Variants in PRKCA observed in about 807,000 individuals in gnomAD.
The protein encoded by PRKCA is protein kinase C alpha.
A neutral mutation model predicts 87.0 loss-of-function variants in PRKCA; 27 were observed. That is an observed-to-expected ratio of 0.31 (90% CI 0.23 to 0.43). The LOEUF (loss-of-function observed/expected upper bound fraction) is 0.43, where lower values mean the gene tolerates loss of function less well. Among genes scored for constraint, PRKCA ranks in the 20% least tolerant of loss-of-function variants. The pLI is 1.00. For synonymous variants in PRKCA, 329 were observed against 311.1 expected (o/e 1.06, Z -0.61); for missense variants, 518 against 852.3 (o/e 0.61, Z 4.88).
At chr17:66,541,591 G>A (rs1397660272) in intron 3 of PRKCA, among the ~76,000 whole-genome samples, 2 of 152,216 alleles carry the variant, frequency 1.3e-5, no homozygotes, top group African/African-American at 2.4e-5. Flanking sequence ...CTGCAGGCAG[G>A]AATTGCACGT....
In PRKCA at chr17:66,804,988, T is replaced by C; in HGVS notation, c.*951T>C. The C allele has an allele frequency of 3.0e-6, 3 of 985,022 alleles. No homozygotes were observed. The highest frequency in any genetic ancestry group is 2.4e-6 in the Non-Finnish European group (2 of 829,380). The allele number at this position is 985,022 out of a possible 1,614,324, so 61.0% of individuals were successfully genotyped here. On this transcript the variant is annotated 3_prime_UTR_variant, in exon 17 of 17. Coordinates refer to ENST00000413366, the MANE Select transcript of PRKCA (RefSeq NM_002737.3). ...AAGCTGAAGTGTACGCCCTCTCCCC[T>C]TTTGTGCTTATTTATTTAATAGGCT...
intron 2 of PRKCA, among the ~76,000 whole-genome samples, chr17:66,460,832 G>A (rs1168972363): frequency 6.6e-6 from 1 of 152,154 alleles, no homozygotes; most frequent in Non-Finnish European, 1.5e-5. Flanking sequence ...GAGGTTGGTC[G>A]CAGACACAGG....
intron 2 of PRKCA, among the ~76,000 whole-genome samples, chr17:66,307,952 G>A (rs530284443): frequency 2.0e-5 from 3 of 152,168 alleles, no homozygotes; most frequent in South Asian, 2.1e-4. Context: ...AATTTTATAC[G>A]ACTTTGCAAC....
At chr17:66,520,261 C>T (rs532853233) in intron 3 of PRKCA, among the ~76,000 whole-genome samples, 7 of 151,856 alleles carry the variant, frequency 4.6e-5, no homozygotes, top group East Asian at 3.9e-4. Flanking sequence ...GCTGGGATTA[C>T]GGGTGCCTAC....
intron 13 of PRKCA, among the ~76,000 whole-genome samples, chr17:66,760,872 A>G (rs373744189): frequency 1.9e-3 from 290 of 152,300 alleles, no homozygotes; most frequent in Admixed American, 5.0e-3. Context: ...ACAATTGCAA[A>G]CACTGCTTTC....
chr17:66,579,677 A>G (rs1969357776), intron 3 of PRKCA, among the ~76,000 whole-genome samples: 1 of 152,024 alleles, frequency 6.6e-6, no homozygotes, highest in Non-Finnish European at 1.5e-5. Flanking sequence ...TCTTGCTGGG[A>G]CCTTGAAAGA....
At chr17:66,693,254 G>A (rs1189891338) in intron 8 of PRKCA, among the ~76,000 whole-genome samples, 1 of 152,192 alleles carries the variant, frequency 6.6e-6, no homozygotes, top group Non-Finnish European at 1.5e-5. Flanking sequence ...CCTCCTACAA[G>A]ACAAAACAAA....
At chr17:66,439,864 A>G (rs149708339) in intron 2 of PRKCA, among the ~76,000 whole-genome samples, 1 of 152,220 alleles carries the variant, frequency 6.6e-6, no homozygotes, top group African/African-American at 2.4e-5. Flanking sequence ...GGGAATCAGC[A>G]TTTCCATGTT....
intron 2 of PRKCA, among the ~76,000 whole-genome samples, chr17:66,452,850 C>G (rs565231060): frequency 2.6e-5 from 4 of 152,248 alleles, no homozygotes; most frequent in East Asian, 1.9e-4. Flanking sequence ...GATGACAGAG[C>G]GAGACTCCGT....
intron 3 of PRKCA, among the ~76,000 whole-genome samples, chr17:66,571,126 T>C (rs1969067799): frequency 6.6e-6 from 1 of 152,216 alleles, no homozygotes; most frequent in Non-Finnish European, 1.5e-5. Flanking sequence ...TCTGTAGATA[T>C]GAAGATGTGA....
chr17:66,738,811 G>A lies in PRKCA; in HGVS notation c.1278G>A (p.Met426Ile). The A allele has an allele frequency of 6.2e-7, 1 of 1,613,850 alleles. No homozygotes were observed. The highest frequency in any genetic ancestry group is 8.5e-7 in the Non-Finnish European group (1 of 1,179,910). ...AATATGTCAACGGTGGGGACCTCAT[G>A]TACCACATTCAGCAAGTAGGAAAAT... ...VMEYVNGGDL[M>I]YHIQQVGKFK... The change falls in exon 11 of 17, where the codon ATG becomes ATA. Residue 426 changes from methionine (M) to isoleucine (I), a missense_variant. Transcript: ENST00000413366.
chr17:66,549,123 G>A (rs1336542790), intron 3 of PRKCA, among the ~76,000 whole-genome samples: 2 of 150,018 alleles, frequency 1.3e-5, no homozygotes, highest in East Asian at 3.9e-4. Context: ...GTAATTTTAA[G>A]CTACCAAGTT....
intron 3 of PRKCA, among the ~76,000 whole-genome samples, chr17:66,526,043 T>A (rs1967338781): frequency 6.6e-6 from 1 of 152,216 alleles, no homozygotes; most frequent in South Asian, 2.1e-4. Context: ...CATACTGCTG[T>A]GATTGAAACA....
At chr17:66,417,022 C>T (rs1303562413) in intron 2 of PRKCA, among the ~76,000 whole-genome samples, 3 of 152,098 alleles carry the variant, frequency 2.0e-5, no homozygotes, top group Non-Finnish European at 2.9e-5. Flanking sequence ...CCTCAGTCTC[C>T]TGAGCAGCTG....
intron 2 of PRKCA, among the ~76,000 whole-genome samples, chr17:66,384,559 TGTACAA>T (rs1248331679): frequency 6.6e-6 from 1 of 152,252 alleles, no homozygotes; most frequent in Non-Finnish European, 1.5e-5. Flanking sequence ...CATTCCAAGT[TGTACAA>T]GTACGTTTCT....
intron 2 of PRKCA, among the ~76,000 whole-genome samples, chr17:66,493,297 TTG>T (rs61513917): frequency 0.016 from 2,331 of 143,088 alleles, 28 homozygotes; most frequent in Middle Eastern, 0.043. Flanking sequence ...GTAGGTATAT[TTG>T]TGTGTGTGTG....
intron 8 of PRKCA, among the ~76,000 whole-genome samples, chr17:66,731,716 C>T (rs937257090): frequency 7.9e-5 from 12 of 151,348 alleles, no homozygotes; most frequent in African/African-American, 2.7e-4. Flanking sequence ...TCTGGTAGCT[C>T]GCCCACCAGG....
At chr17:66,721,395 CAAAAAA>C (rs55795871) in intron 8 of PRKCA, among the ~76,000 whole-genome samples, 1 of 98,258 alleles carries the variant, frequency 1.0e-5, no homozygotes. Flanking sequence ...GATTCCGTCT[CAAAAAA>C]AAAAAAAAAA....
rs1400906254 is a variant in PRKCA at position 66,769,490 on chromosome 17, G to T, written c.1525-4497G>T. ...CTAGCTGCTGAGTTACAAATATGTT[G>T]ATTTTTTTCCTATGCATTTATCCTT... On this transcript the variant is annotated intron_variant, in intron 13 of 16. Coordinates refer to ENST00000413366, the MANE Select transcript of PRKCA (RefSeq NM_002737.3). Among the ~76,000 whole-genome samples the T allele has an allele frequency of 2.0e-5, 3 of 152,154 alleles. No homozygotes were observed. The East Asian group carries it at 5.8e-4, about 29-fold the overall frequency.
Sources: gnomAD v4.1 joint callset for allele counts (sites outside exome capture counted in the v4.1 genomes callset) on GRCh38, gnomAD v4.1.1 for gene constraint, MANE v1.5 for transcripts, NCBI Gene and HGNC (gene_info 2026-07-23, HGNC 2026-07-21) for gene names.